SEC14L2: variants seen among roughly 807,000 people sequenced by gnomAD.
The protein encoded by SEC14L2 is SEC14-like protein 2.
SEC14L2 carries 50 observed loss-of-function variants against 56.9 expected under a neutral mutation model. The ratio of observed to expected loss-of-function variants is 0.88; its 90% CI spans 0.70 to 1.11. The LOEUF is 1.11. SEC14L2 is among the 50% of genes most tolerant of loss of function. The pLI is 0.00. For missense variants in SEC14L2, 414 were observed against 500.7 expected, an observed-to-expected ratio of 0.83 and a Z score of 1.65; for synonymous variants, 179 against 188.5, an observed-to-expected ratio of 0.95 and a Z score of 0.41.
chr22:30,414,236 C>T (rs1202114429), intron 8 of SEC14L2, among the ~76,000 whole-genome samples: 1 of 152,308 alleles, frequency 6.6e-6, no homozygotes, highest in Admixed American at 6.5e-5. Flanking sequence ...ACTATAAAAG[C>T]TGAGCAAGAG....
At position 30,398,612 on chromosome 22, in the gene SEC14L2, C is replaced by G. The variant is rs146125963; in HGVS notation, c.55-1031C>G. The stretch of plus-strand genomic sequence containing the variant: ...CTTTCCCGCTTCCTGGCTTCCCCTA[C>G]TGGAACTGTTCCCTCCACCTGAGTT... On this transcript the variant is annotated intron_variant, in intron 1 of 11. Coordinates refer to ENST00000615189, the MANE Select transcript of SEC14L2 (RefSeq NM_012429.5). 9.7e-4 allele frequency: 436 copies of G among 447,368 alleles called. 1 individual carries two copies. The highest frequency in any genetic ancestry group is 7.8e-3 in the African/African-American group (389 of 49,850). The allele number at this position is 447,368 out of a possible 1,614,324, so 27.7% of individuals were successfully genotyped here.
In SEC14L2 at chr22:30,410,679, G is replaced by A. The variant is rs1241269290; in HGVS notation, c.664G>A (p.Ala222Thr). 1.5e-5 allele frequency: 25 copies of A among 1,613,856 alleles called. No homozygotes were observed. In the East Asian group the frequency reaches 5.1e-4, roughly 33 times the overall value. Residue 222 changes from alanine to threonine, a missense_variant and splice_region_variant, in exon 8 of 12, where the codon GCA becomes ACA. Transcript: ENST00000615189. ...TCGTAAGAAGATCATGGTCCTGGGAGGTAAGTGGTCCAGACTGTTCTCAAC... is the reference window on the plus strand; with the variant it reads ...TCGTAAGAAGATCATGGTCCTGGGAAGTAAGTGGTCCAGACTGTTCTCAAC... ...DTRKKIMVLG[A>T]NWKEVLLKHI...
intron 7 of SEC14L2, 122 bp from the exon 8 acceptor site, chr22:30,410,474 G>C: frequency 1.1e-6 from 1 of 904,650 alleles, no homozygotes; most frequent in African/African-American, 1.6e-5. Flanking sequence ...GTGGGCTCCA[G>C]AGCCCTGGGG....
intron 2 of SEC14L2, among the ~76,000 whole-genome samples, chr22:30,405,970 G>A (rs1395468438): frequency 1.3e-5 from 2 of 152,126 alleles, no homozygotes; most frequent in African/African-American, 2.4e-5. Context: ...AGACTGTGGA[G>A]GAGATAAACT....
intron 8 of SEC14L2, among the ~76,000 whole-genome samples, chr22:30,412,836 CAAACAAAAAAACAAA>C (rs1357591521): frequency 1.6e-5 from 2 of 128,740 alleles, no homozygotes; most frequent in African/African-American, 6.0e-5. Context: ...AAAAAAAAAA[CAAACAAAAAAACAAA>C]AAAAAAACAA....
chr22:30,404,276 T>C (rs1164677752), intron 2 of SEC14L2, among the ~76,000 whole-genome samples: 1 of 152,140 alleles, frequency 6.6e-6, no homozygotes, highest in Admixed American at 6.5e-5. Context: ...CATGCTGCCA[T>C]GGCAGCACAC....
intron 2 of SEC14L2, among the ~76,000 whole-genome samples, chr22:30,404,885 C>T (rs1002344414): frequency 7.2e-5 from 11 of 152,136 alleles, no homozygotes; most frequent in Non-Finnish European, 1.2e-4. Flanking sequence ...GCCTGGCCAA[C>T]ATGGTGAAAC....
chr22:30,406,966 G>A (rs1417936108), intron 3 of SEC14L2, 129 bp from the exon 4 acceptor site: 11 of 766,522 alleles, frequency 1.4e-5, no homozygotes, highest in Non-Finnish European at 2.4e-5. Flanking sequence ...TGGCCAGGCT[G>A]GTCTTGAACT....
chr22:30,406,978 C>T (rs1242397354), intron 3 of SEC14L2, 117 bp from the exon 4 acceptor site: 13 of 917,666 alleles, frequency 1.4e-5, no homozygotes, highest in Non-Finnish European at 2.2e-5. Context: ...TCTTGAACTC[C>T]TGGCCTCAAG....
chr22:30,419,593 T>C (rs1349651903), intron 11 of SEC14L2, among the ~76,000 whole-genome samples: 1 of 152,202 alleles, frequency 6.6e-6, no homozygotes, highest in Non-Finnish European at 1.5e-5. Flanking sequence ...CAGATCTTAA[T>C]GTGGGGTCCC....
At chr22:30,404,721 G>A (rs189138786) in intron 2 of SEC14L2, among the ~76,000 whole-genome samples, 1 of 151,906 alleles carries the variant, frequency 6.6e-6, no homozygotes, top group Non-Finnish European at 1.5e-5. Context: ...AAAAGGATTT[G>A]GGGGGTTTCA....
chr22:30,407,880 T>C (rs1369947907), intron 5 of SEC14L2, among the ~76,000 whole-genome samples: 3 of 152,308 alleles, frequency 2.0e-5, no homozygotes, highest in African/African-American at 4.8e-5. Flanking sequence ...AGGCCCAGGC[T>C]TTGGGATTTC....
intron 8 of SEC14L2, among the ~76,000 whole-genome samples, chr22:30,412,206 A>C (rs1184667051): frequency 6.6e-6 from 1 of 152,138 alleles, no homozygotes; most frequent in Non-Finnish European, 1.5e-5. Context: ...ACCAAGACAC[A>C]GTACTAGCAA....
At position 30,424,680 on chromosome 22, in the gene SEC14L2, G is replaced by A; in HGVS notation, c.*2273G>A. Reference sequence around the variant, plus strand: ...CATTTTTTTTGCAGACGTGGGAACTGGGGCTCAGGGAGGCTAACAGCCAGT... The same window carrying A: ...CATTTTTTTTGCAGACGTGGGAACTAGGGCTCAGGGAGGCTAACAGCCAGT... On this transcript the variant is annotated 3_prime_UTR_variant, in exon 12 of 12. Coordinates refer to ENST00000615189, the MANE Select transcript of SEC14L2 (RefSeq NM_012429.5). 2.2e-6 allele frequency: 1 copy of A among 456,220 alleles called. No homozygotes were observed. Among genetic ancestry groups the A allele is most frequent in the African/African-American group, 2.0e-5 (1 of 50,150 alleles). 28.3% of individuals were successfully genotyped at this position (456,220 alleles called of 1,614,324 possible).
At chr22:30,398,273 G>C (rs775478716) in intron 1 of SEC14L2, among the ~76,000 whole-genome samples, 6 of 152,216 alleles carry the variant, frequency 3.9e-5, no homozygotes, top group Non-Finnish European at 7.4e-5. Flanking sequence ...GCTGGTTAGG[G>C]TCCTTGGAGA....
chr22:30,401,098 TTC>T (rs1439957725), intron 2 of SEC14L2, among the ~76,000 whole-genome samples: 1 of 151,528 alleles, frequency 6.6e-6, no homozygotes, highest in Non-Finnish European at 1.5e-5. Flanking sequence ...TAATTTTAAT[TTC>T]TTTTTTTGAG....
rs762571925 is a variant in SEC14L2 at position 30,406,353 on chromosome 22, G to A, written c.142G>A (p.Asp48Asn). The A allele has an allele frequency of 2.1e-5, 34 of 1,613,868 alleles. No individual in the cohort carries two copies. The highest frequency in any genetic ancestry group is 1.3e-4 in the South Asian group (12 of 91,074). The change falls in exon 3 of 12, where the codon GAC becomes AAC. Residue 48 changes from aspartate (D) to asparagine (N), a missense_variant. Physicochemically the swap from Asp to Asn is conservative, Grantham distance 23 (BLOSUM62 1). Transcript: ENST00000615189. ...TTTCCCTGTTACAGCCAGAAGCTTCGACCTGCAGAAGTCGGAGGCCATGCT... is the reference window on the plus strand; with the variant it reads ...TTTCCCTGTTACAGCCAGAAGCTTCAACCTGCAGAAGTCGGAGGCCATGCT... The part of the protein sequence containing the change: ...LLRWLRARSF[D>N]LQKSEAMLRK...
In SEC14L2 at chr22:30,407,149, C is replaced by T. The variant is rs1934118678; in HGVS notation, c.229C>T (p.Pro77Ser). 1.2e-6 allele frequency: 2 copies of T among 1,614,002 alleles called. No individual in the cohort carries two copies. Among genetic ancestry groups the T allele is most frequent in the Non-Finnish European group, 1.7e-6 (2 of 1,180,010 alleles). ...TGACAACATCATTAGCTGGCAGCCT[C>T]CAGAGGTGAGCACAAATTATCCCAC... The part of the protein sequence containing the change: ...DIDNIISWQP[P>S]EVIQQYLSGG... Residue 77 changes from proline to serine, a missense_variant, in exon 4 of 12, where the codon CCA (proline) becomes TCA (serine). Coordinates refer to ENST00000615189, the MANE Select transcript of SEC14L2 (RefSeq NM_012429.5).
chr22:30,405,702 G>A (rs548974203), intron 2 of SEC14L2, among the ~76,000 whole-genome samples: 1 of 152,050 alleles, frequency 6.6e-6, no homozygotes, highest in African/African-American at 2.4e-5. Flanking sequence ...CTTGGGATGG[G>A]ATCTCGCTGT....
Sources: gnomAD v4.1 joint callset for allele counts (sites outside exome capture counted in the v4.1 genomes callset) on GRCh38, gnomAD v4.1.1 for gene constraint, MANE v1.5 for transcripts, NCBI Gene and HGNC (gene_info 2026-07-23, HGNC 2026-07-21) for gene names.